NMT2: variants seen among roughly 807,000 people sequenced by gnomAD.
The protein encoded by NMT2 is N-myristoyltransferase 2.
Under a neutral mutation model 65.4 loss-of-function variants are expected in NMT2, and 35 were observed. That is an observed-to-expected ratio of 0.54 (90% CI 0.41 to 0.71). The LOEUF (loss-of-function observed/expected upper bound fraction) is 0.71. NMT2 is among the 30% of genes least tolerant of loss of function. NMT2 has a pLI of 0.00. For missense variants in NMT2, 489 were observed against 611.3 expected, an observed-to-expected ratio of 0.80 and a Z score of 2.11; for synonymous variants, 226 against 231.8, an observed-to-expected ratio of 0.98 and a Z score of 0.23.
intron 1 of NMT2, among the ~76,000 whole-genome samples, chr10:15,146,604 G>C (rs1458620527): frequency 6.6e-6 from 1 of 152,186 alleles, no homozygotes; most frequent in Admixed American, 6.5e-5. Context: ...AGAGCCCCAA[G>C]GATGGCAGAG....
At chr10:15,160,416 T>C (rs948657581) in intron 1 of NMT2, among the ~76,000 whole-genome samples, 2 of 152,024 alleles carry the variant, frequency 1.3e-5, no homozygotes, top group Non-Finnish European at 2.9e-5. Flanking sequence ...CTGAGGACCA[T>C]GAAAACTTAA....
Position 15,133,312 on chromosome 10 carries a change from C to T in NMT2, c.443G>A (p.Arg148His), listed in dbSNP as rs762064324. 8 of 1,613,986 alleles carry T rather than the reference C, an allele frequency of 5.0e-6. No individual in the cohort carries two copies. The highest frequency in any genetic ancestry group is 6.8e-6 in the Non-Finnish European group (8 of 1,180,020). The change falls in exon 4 of 12, where the codon CGC becomes CAC. Residue 148 changes from arginine (R) to histidine (H), a missense_variant. Coordinates refer to ENST00000378165, the MANE Select transcript of NMT2 (RefSeq NM_004808.3). ...GAIEPDKDNV[R>H]QEPYSLPQGF... is the part of the protein sequence containing the mutation. ...CTGTGGCAAAGAATACGGTTCTTGG[C>T]GTACGTTGTCTTTATCTGGTTCAAT...
chr10:15,119,225 C>G (rs1230105088), intron 9 of NMT2, 118 bp downstream of exon 9: 3 of 883,368 alleles, frequency 3.4e-6, no homozygotes, highest in Non-Finnish European at 5.4e-6. Context: ...CCCTTTAGTA[C>G]ACATCTTTGT....
chr10:15,150,834 A>G (rs1783626614), intron 1 of NMT2, among the ~76,000 whole-genome samples: 1 of 152,126 alleles, frequency 6.6e-6, no homozygotes, highest in Admixed American at 6.6e-5. Flanking sequence ...GCTGAACAAT[A>G]CGCCCGGGAA....
intron 1 of NMT2, among the ~76,000 whole-genome samples, chr10:15,143,164 G>C (rs1204631472): frequency 1.3e-5 from 2 of 152,148 alleles, no homozygotes; most frequent in East Asian, 1.9e-4. Flanking sequence ...ACTTCTGAAA[G>C]CTACCATTGT....
At chr10:15,130,516 G>A (rs1396879722) in intron 6 of NMT2, among the ~76,000 whole-genome samples, 2 of 150,720 alleles carry the variant, frequency 1.3e-5, no homozygotes, top group African/African-American at 5.0e-5. Context: ...AGACCAGCCT[G>A]GGCAACACTG....
At chr10:15,142,538 G>T (rs1021373519) in intron 1 of NMT2, among the ~76,000 whole-genome samples, 4 of 152,316 alleles carry the variant, frequency 2.6e-5, no homozygotes, top group Non-Finnish European at 4.4e-5. Context: ...CTCTGGCCTG[G>T]GCAACAGAGC....
At chr10:15,116,401 C>T (rs1438315971) in intron 9 of NMT2, among the ~76,000 whole-genome samples, 1 of 152,050 alleles carries the variant, frequency 6.6e-6, no homozygotes, top group Non-Finnish European at 1.5e-5. Flanking sequence ...ATACAACATA[C>T]CAAAATACGT....
chr10:15,119,574 T>C (rs1004846464), intron 8 of NMT2, 61 bp from the exon 9 acceptor site: 2 of 1,477,786 alleles, frequency 1.4e-6, no homozygotes, highest in South Asian at 1.2e-5. Context: ...TGAAACGACT[T>C]TGCACTCAAA....
At chr10:15,121,471 G>A (rs1413494378) in intron 8 of NMT2, among the ~76,000 whole-genome samples, 2 of 152,122 alleles carry the variant, frequency 1.3e-5, no homozygotes, top group Non-Finnish European at 2.9e-5. Flanking sequence ...GGGTTCAATC[G>A]ATTCTCTTGC....
rs1425958500 is a variant in NMT2, at chr10:15,106,578, C to T, written c.*2617G>A. 6 of 907,054 alleles carry T rather than the reference C, an allele frequency of 6.6e-6. No homozygotes were observed. In the East Asian group the frequency reaches 7.1e-4, roughly 107 times the overall value. 56.2% of individuals were successfully genotyped at this position (907,054 alleles called of 1,614,324 possible). ...CCTATATTATGTACTACTGTGGGGCCCAGTCGCCCTCTGGTGGTAGTCTCA... is the reference window on the plus strand; with the variant it reads ...CCTATATTATGTACTACTGTGGGGCTCAGTCGCCCTCTGGTGGTAGTCTCA... On this transcript the variant is annotated 3_prime_UTR_variant, in exon 12 of 12. Coordinates refer to ENST00000378165, the MANE Select transcript of NMT2 (RefSeq NM_004808.3).
chr10:15,158,974 A>G (rs1833097057), intron 1 of NMT2, among the ~76,000 whole-genome samples: 1 of 152,222 alleles, frequency 6.6e-6, no homozygotes, highest in Non-Finnish European at 1.5e-5. Context: ...AGGCTTCAAC[A>G]TATGAATTGG....
intron 2 of NMT2, chr10:15,139,837 CA>C (rs1197245271): frequency 3.8e-5 from 5 of 131,994 alleles, no homozygotes; most frequent in Non-Finnish European, 6.4e-5. Context: ...AGGAAATCCA[CA>C]AAGCTTGTAG....
intron 1 of NMT2, among the ~76,000 whole-genome samples, chr10:15,157,402 G>A (rs1402639849): frequency 6.6e-6 from 1 of 152,206 alleles, no homozygotes; most frequent in Non-Finnish European, 1.5e-5. Flanking sequence ...CAAGAGGGCT[G>A]AAGTGGGTAC....
intron 9 of NMT2, among the ~76,000 whole-genome samples, chr10:15,118,676 A>G (rs1232850788): frequency 2.0e-5 from 3 of 152,136 alleles, no homozygotes; most frequent in African/African-American, 7.2e-5. Context: ...ACTCAAATTC[A>G]TCAACAATGA....
intron 2 of NMT2, chr10:15,141,160 G>A (rs41284467): frequency 0.069 from 61,762 of 889,268 alleles, 2,372 homozygotes; most frequent in African/African-American, 0.11. Flanking sequence ...CTTCTAGAAC[G>A]ACAATCTAAA....
At position 15,106,116 on chromosome 10, in the gene NMT2, C is replaced by T. The variant is rs45494102; in HGVS notation, c.*3079G>A. ...TCAAGCGATTCTCCTGCCTCAGCCT[C>T]CTGAATAGCTGGGATTACAGGTGCA... is the stretch of plus-strand genomic sequence containing the variant. On this transcript the variant is annotated 3_prime_UTR_variant, in exon 12 of 12. Transcript: ENST00000378165. 0.05 allele frequency: 14,679 copies of T among 291,116 alleles called. 442 individuals carry two copies. The highest frequency in any genetic ancestry group is 0.063 in the East Asian group (415 of 6,572). The allele number at this position is 291,116 out of a possible 1,614,324, so 18.0% of individuals were successfully genotyped here.
intron 1 of NMT2, among the ~76,000 whole-genome samples, chr10:15,144,987 T>C (rs1846912891): frequency 6.6e-6 from 1 of 152,008 alleles, no homozygotes; most frequent in Admixed American, 6.6e-5. Flanking sequence ...AGCCCAAAAC[T>C]GGAAACAACC....
At chr10:15,130,727 AG>A (rs370937591) in intron 6 of NMT2, among the ~76,000 whole-genome samples, 3 of 143,272 alleles carry the variant, frequency 2.1e-5, no homozygotes. Flanking sequence ...AAAAAAAAAA[AG>A]AAAAGAAAGA....
Sources: gnomAD v4.1 joint callset for allele counts (sites outside exome capture counted in the v4.1 genomes callset) on GRCh38, gnomAD v4.1.1 for gene constraint, MANE v1.5 for transcripts, NCBI Gene and HGNC (gene_info 2026-07-23, HGNC 2026-07-21) for gene names.